Variants in ARHGEF12 observed in about 807,000 individuals in gnomAD.
ARHGEF12 encodes the protein KMT2A/ARHGEF12 fusion protein.
In ARHGEF12, 66 loss-of-function variants were observed where a neutral mutation model predicts 211.2. The observed-to-expected ratio is 0.31, with a 90% confidence interval of 0.26 to 0.38. ARHGEF12 has a LOEUF of 0.38. Among genes scored for constraint, ARHGEF12 ranks in the 10% least tolerant of loss-of-function variants. ARHGEF12 has a pLI of 1.00. For synonymous variants in ARHGEF12, 592 were observed against 638.4 expected (o/e 0.93, Z 1.09); for missense variants, 1,429 against 1,869.5 (o/e 0.76, Z 4.34).
intron 1 of ARHGEF12, among the ~76,000 whole-genome samples, chr11:120,367,013 C>G (rs1457437777): frequency 7.0e-6 from 1 of 142,456 alleles, no homozygotes; most frequent in African/African-American, 2.5e-5. Flanking sequence ...GAGACTCCAT[C>G]TAAAAAAAAA....
intron 10 of ARHGEF12, 137 bp from the exon 11 acceptor site, chr11:120,431,634 A>G: frequency 8.4e-6 from 7 of 833,816 alleles, no homozygotes; most frequent in Non-Finnish European, 1.2e-5. Flanking sequence ...AATTTTAAAC[A>G]TACTTGAGCA....
chr11:120,479,169 T>G (rs780539506), intron 37 of ARHGEF12, among the ~76,000 whole-genome samples: 1 of 152,072 alleles, frequency 6.6e-6, no homozygotes, highest in Non-Finnish European at 1.5e-5. Context: ...TAGGAAGAGA[T>G]AGAGATGTGA....
At chr11:120,473,676 A>T (rs768737209) in intron 31 of ARHGEF12, among the ~76,000 whole-genome samples, 1 of 152,234 alleles carries the variant, frequency 6.6e-6, no homozygotes, top group Non-Finnish European at 1.5e-5. Context: ...GATTACAGGC[A>T]TGAGCCACTA....
intron 1 of ARHGEF12, among the ~76,000 whole-genome samples, chr11:120,351,481 T>A (rs1315528762): frequency 9.2e-4 from 52 of 56,250 alleles, no homozygotes; most frequent in East Asian, 1.4e-3. Context: ...TTTTTTTTTT[T>A]GAGACAAAGT....
At position 120,459,235 on chromosome 11, in the gene ARHGEF12, T is replaced by C; in HGVS notation, c.2442T>C (p.Tyr814=). The change falls in exon 26 of 41, where the codon TAT becomes TAC. Residue 814 remains tyrosine, a synonymous_variant. Coordinates refer to ENST00000397843, the MANE Select transcript of ARHGEF12 (RefSeq NM_015313.3). ...TGAAGGTTCTTGATCAAGTGTTCTA[T>C]CAGCGAGTATCCAGAGAAGGAATTC... ...RTLKVLDQVF[Y]QRVSREGILS... is the part of the protein sequence containing the mutation. 1 of 1,613,780 alleles carries C rather than the reference T, an allele frequency of 6.2e-7. No individual in the cohort carries two copies. The highest frequency in any genetic ancestry group is 8.5e-7 in the Non-Finnish European group (1 of 1,179,826).
intron 11 of ARHGEF12, 78 bp downstream of exon 11, chr11:120,431,989 T>C (rs1264766656): frequency 7.1e-7 from 1 of 1,400,692 alleles, no homozygotes; most frequent in Non-Finnish European, 9.5e-7. Context: ...TTTTAAGTGA[T>C]GTGAATTAGA....
chr11:120,406,070 C>A (rs374519468), intron 1 of ARHGEF12, 48 bp from the exon 2 acceptor site: 54 of 1,404,088 alleles, frequency 3.8e-5, no homozygotes, highest in Admixed American at 4.3e-5. Flanking sequence ...GTAACAAAAT[C>A]TTACAAGTAA....
At chr11:120,417,224 G>C (rs531898547) in intron 4 of ARHGEF12, among the ~76,000 whole-genome samples, 1 of 152,056 alleles carries the variant, frequency 6.6e-6, no homozygotes, top group East Asian at 1.9e-4. Flanking sequence ...CTGAAAAAAG[G>C]TCTATTTAAG....
chr11:120,443,829 A>G (rs1945957340), intron 15 of ARHGEF12, among the ~76,000 whole-genome samples: 1 of 152,250 alleles, frequency 6.6e-6, no homozygotes, highest in African/African-American at 2.4e-5. Flanking sequence ...TTAAAAATAT[A>G]GTATAACAAC....
chr11:120,364,329 G>T (rs1019498380), intron 1 of ARHGEF12, among the ~76,000 whole-genome samples: 2 of 152,142 alleles, frequency 1.3e-5, no homozygotes, highest in African/African-American at 4.8e-5. Context: ...GAGGGTTGTG[G>T]TAAAGCAGAA....
chr11:120,441,919 T>A, intron 14 of ARHGEF12, 102 bp downstream of exon 14: 1 of 1,102,156 alleles, frequency 9.1e-7, no homozygotes, highest in Non-Finnish European at 1.3e-6. Flanking sequence ...TTCTTTCAGT[T>A]TTCCGTATAA....
rs1403086802 is a variant in ARHGEF12 at position 120,489,045 on chromosome 11, T to A, written c.*3968T>A. 4.5e-6 allele frequency: 1 copy of A among 220,344 alleles called. No individual in the cohort carries two copies. The highest frequency in any genetic ancestry group is 9.1e-6 in the Non-Finnish European group (1 of 109,808). 13.6% of individuals were successfully genotyped at this position (220,344 alleles called of 1,614,324 possible). A position where few individuals can be genotyped will look rare whatever the true frequency, so the allele number is the denominator to read the frequency against. ...GCTTAAAGGAACCAAGCATGTGACTTTTTATTTGTATTCTGGTTGATTTGT... is the reference window on the plus strand; with the variant it reads ...GCTTAAAGGAACCAAGCATGTGACTATTTATTTGTATTCTGGTTGATTTGT... On this transcript the variant is annotated 3_prime_UTR_variant, in exon 41 of 41. Transcript: ENST00000397843.
chr11:120,485,988 A>G lies in ARHGEF12; in HGVS notation c.*911A>G, dbSNP rs1396628948. 4.5e-6 allele frequency: 1 copy of G among 222,670 alleles called. No homozygotes were observed. The highest frequency in any genetic ancestry group is 2.2e-5 in the African/African-American group (1 of 44,694). 13.8% of individuals were successfully genotyped at this position (222,670 alleles called of 1,614,324 possible). On this transcript the variant is annotated 3_prime_UTR_variant, in exon 41 of 41. Coordinates refer to ENST00000397843, the MANE Select transcript of ARHGEF12 (RefSeq NM_015313.3). ...TCATTTTTATAATTATACATTAGAC[A>G]TTGGCACTTGTGTAAAACTGTCCCT...
chr11:120,393,990 A>G (rs1316032428), intron 1 of ARHGEF12, among the ~76,000 whole-genome samples: 1 of 152,176 alleles, frequency 6.6e-6, no homozygotes, highest in Non-Finnish European at 1.5e-5. Flanking sequence ...GTCACCATGG[A>G]CTGAAATTAG....
At chr11:120,384,800 G>A (rs750728988) in intron 1 of ARHGEF12, among the ~76,000 whole-genome samples, 4 of 151,780 alleles carry the variant, frequency 2.6e-5, no homozygotes, top group African/African-American at 7.3e-5. Context: ...CTCCCCCCAT[G>A]TTTAAATCTG....
At chr11:120,373,083 A>C (rs746486999) in intron 1 of ARHGEF12, among the ~76,000 whole-genome samples, 4 of 152,180 alleles carry the variant, frequency 2.6e-5, no homozygotes, top group Non-Finnish European at 5.9e-5. Context: ...CCATTATATA[A>C]AATTTCTGAC....
At chr11:120,385,517 C>T (rs1944002757) in intron 1 of ARHGEF12, 6 of 984,064 alleles carry the variant, frequency 6.1e-6, no homozygotes, top group African/African-American at 1.8e-5. Context: ...TTTTCTGGGT[C>T]GTGTATAAAA....
At chr11:120,472,918 G>A in intron 30 of ARHGEF12, 132 bp from the exon 31 acceptor site, 1 of 699,912 alleles carries the variant, frequency 1.4e-6, no homozygotes, top group Non-Finnish European at 2.5e-6. Context: ...GCCTCCCAAA[G>A]TGCTGAGATT....
chr11:120,414,056 AGCAG>A (rs1405920628), intron 4 of ARHGEF12, among the ~76,000 whole-genome samples: 2 of 152,340 alleles, frequency 1.3e-5, no homozygotes, highest in East Asian at 3.9e-4. Flanking sequence ...GTAAGAAGGA[AGCAG>A]TCTTTTTATG....
Sources: allele counts gnomAD v4.1 joint callset (sites outside exome capture counted in the v4.1 genomes callset), GRCh38; gene constraint gnomAD v4.1.1; transcripts MANE v1.5; gene names NCBI Gene and HGNC (gene_info 2026-07-23, HGNC 2026-07-21).